The following THSD7A variants were observed in gnomAD, a reference collection of about 807,000 sequenced individuals.
The protein encoded by THSD7A is thrombospondin type-1 domain-containing protein 7A.
A neutral mutation model predicts 231.3 loss-of-function variants in THSD7A; 96 were observed. The ratio of observed to expected loss-of-function variants is 0.41; its 90% CI spans 0.35 to 0.49. The LOEUF (loss-of-function observed/expected upper bound fraction) is 0.49, where lower values mean the gene tolerates loss of function less well. Among genes scored for constraint, THSD7A ranks in the 20% least tolerant of loss-of-function variants. THSD7A has a pLI of 0.05. For synonymous variants in THSD7A, 940 were observed against 743.3 expected (o/e 1.26, Z -4.30); for missense variants, 2,290 against 2,070.2 (o/e 1.11, Z -2.06).
chr7:11,548,759 G>T (rs1488403095), intron 4 of THSD7A, among the ~76,000 whole-genome samples: 2 of 151,744 alleles, frequency 1.3e-5, no homozygotes, highest in African/African-American at 4.8e-5. Flanking sequence ...AAAATCACAT[G>T]ATTATCTCAA....
At chr7:11,603,900 G>T (rs1289260354) in intron 2 of THSD7A, among the ~76,000 whole-genome samples, 1 of 146,568 alleles carries the variant, frequency 6.8e-6, no homozygotes, top group African/African-American at 2.5e-5. Context: ...AGGGGGGAAG[G>T]ATAGCATTGG....
intron 1 of THSD7A, among the ~76,000 whole-genome samples, chr7:11,762,779 C>T (rs1782906237): frequency 1.3e-5 from 2 of 151,686 alleles, no homozygotes; most frequent in African/African-American, 4.9e-5. Flanking sequence ...CTACAAACTA[C>T]AAAATATTCA....
Position 11,590,385 on chromosome 7 carries a change from T to C in THSD7A, c.1453+75A>G, listed in dbSNP as rs377653101. On this transcript the variant is annotated intron_variant, in intron 4 of 27. Coordinates refer to ENST00000423059, the MANE Select transcript of THSD7A (RefSeq NM_015204.3). The surrounding 1 kb of genome is among the most constrained non-coding windows in gnomAD (Gnocchi z 4.4). ...AGCCCTCATAACCTGGATGGCTGTG[T>C]ATATATCCCTTCAGAGCAATCACAT... The C allele has an allele frequency of 1.3e-6, 2 of 1,493,036 alleles. No homozygotes were observed. Among genetic ancestry groups the C allele is most frequent in the African/African-American group, 2.8e-5 (2 of 71,852 alleles). 92.5% of individuals were successfully genotyped at this position (1,493,036 alleles called of 1,614,324 possible).
rs1374839922 is a variant in THSD7A at position 11,372,319 on chromosome 7, G to A, written c.*3475C>T. On this transcript the variant is annotated 3_prime_UTR_variant, in exon 28 of 28. Coordinates refer to ENST00000423059, the MANE Select transcript of THSD7A (RefSeq NM_015204.3). ...TTGGATGTCTGTCTTAAGTACCTAT[G>A]TATACAAAAGCCATTACTTTTTTTT... 1 of 143,454 alleles carries A rather than the reference G, an allele frequency of 7.0e-6. No homozygotes were observed. The highest frequency in any genetic ancestry group is 1.5e-5 in the Non-Finnish European group (1 of 66,238). The allele number at this position is 143,454 out of a possible 1,614,324, so 8.9% of individuals were successfully genotyped here.
At chr7:11,552,983 G>A (rs1318865560) in intron 4 of THSD7A, among the ~76,000 whole-genome samples, 1 of 152,042 alleles carries the variant, frequency 6.6e-6, no homozygotes, top group Non-Finnish European at 1.5e-5. Flanking sequence ...TCTCTAGAGA[G>A]GGAGATGTTT....
chr7:11,659,223 A>G (rs1033451295), intron 1 of THSD7A, among the ~76,000 whole-genome samples: 2 of 151,684 alleles, frequency 1.3e-5, no homozygotes, highest in Non-Finnish European at 3.0e-5. Context: ...GGAGCAAACT[A>G]TATTCACATC....
chr7:11,476,207 T>C (rs1712941190), intron 7 of THSD7A, among the ~76,000 whole-genome samples: 3 of 151,978 alleles, frequency 2.0e-5, no homozygotes, highest in South Asian at 4.2e-4. Flanking sequence ...AACATAACTT[T>C]AAAATATTTT....
At chr7:11,647,737 T>C (rs1782336408) in intron 1 of THSD7A, among the ~76,000 whole-genome samples, 1 of 152,124 alleles carries the variant, frequency 6.6e-6, no homozygotes, top group African/African-American at 2.4e-5. Context: ...TCAATTTTGC[T>C]AAGAATGAAT....
Position 11,411,831 on chromosome 7 carries a change from CTT to C in THSD7A, c.3683-511_3683-510del, listed in dbSNP as rs1238632055. 6.6e-6 allele frequency among the ~76,000 whole-genome samples: 1 copy of C among 151,836 alleles called. No individual in the cohort carries two copies. Among genetic ancestry groups the C allele is most frequent in the Non-Finnish European group, 1.5e-5 (1 of 67,978 alleles). On this transcript the variant is annotated intron_variant, in intron 18 of 27. Transcript: ENST00000423059. The surrounding 1 kb of genome is among the most constrained non-coding windows in gnomAD (Gnocchi z 4.1). ...CACTTTGGCCATATTTATTCATTCT[CTT>C]ATGTCTTTCGTAAGAAGACATAAAA... is the stretch of plus-strand genomic sequence containing the variant.
rs140890201 is a variant in THSD7A, at chr7:11,385,219, T to C, written c.4412-2603A>G. 2.7e-3 allele frequency: 411 copies of C among 152,184 alleles called. 2 individuals are homozygous for C. The highest frequency in any genetic ancestry group is 9.7e-3 in the African/African-American group (402 of 41,560). 9.4% of individuals were successfully genotyped at this position (152,184 alleles called of 1,614,324 possible). A position where few individuals can be genotyped will look rare whatever the true frequency, so the allele number is the denominator to read the frequency against. On this transcript the variant is annotated intron_variant, in intron 23 of 27. Coordinates refer to ENST00000423059, the MANE Select transcript of THSD7A (RefSeq NM_015204.3). ...AGTCGTCTATAAATTATCTTGATTG[T>C]CTAAAATGTGAAATTCATATACTAT...
At chr7:11,787,050 T>G (rs1333620709) in intron 1 of THSD7A, among the ~76,000 whole-genome samples, 5 of 152,030 alleles carry the variant, frequency 3.3e-5, no homozygotes, top group Non-Finnish European at 5.9e-5. Context: ...ATTTCTAGTT[T>G]CATAAAAAAA....
chr7:11,409,959 C>T (rs1562587742), intron 19 of THSD7A, among the ~76,000 whole-genome samples: 1 of 152,062 alleles, frequency 6.6e-6, no homozygotes, highest in Non-Finnish European at 1.5e-5. Flanking sequence ...TCAGGCTGGT[C>T]CTGAACCCCC....
chr7:11,626,867 C>T lies in THSD7A; in HGVS notation c.1022+9263G>A, dbSNP rs118045866. On this transcript the variant is annotated intron_variant, in intron 2 of 27. Transcript: ENST00000423059. ...GAAATAATATTCTCAATGTTGTATC[C>T]TAAATGGAATCAGTATAAATGTATA... Among the ~76,000 whole-genome samples the T allele has an allele frequency of 9.6e-3, 1,461 of 151,962 alleles. 13 individuals are homozygous for T. Among genetic ancestry groups the T allele is most frequent in the Non-Finnish European group, 0.016 (1,055 of 67,938 alleles).
chr7:11,823,567 T>G (rs1189948625), intron 1 of THSD7A, among the ~76,000 whole-genome samples: 1 of 152,142 alleles, frequency 6.6e-6, no homozygotes, highest in Non-Finnish European at 1.5e-5. Context: ...TGTAACAATA[T>G]TAATTCTTCT....
intron 1 of THSD7A, among the ~76,000 whole-genome samples, chr7:11,789,849 G>C (rs1489551728): frequency 1.3e-5 from 2 of 151,600 alleles, no homozygotes; most frequent in Non-Finnish European, 2.9e-5. Flanking sequence ...AACTCCTTTG[G>C]GTGCACTTCT....
chr7:11,767,077 A>C (rs1783053415), intron 1 of THSD7A, among the ~76,000 whole-genome samples: 1 of 152,150 alleles, frequency 6.6e-6, no homozygotes, highest in African/African-American at 2.4e-5. Flanking sequence ...GTGTGTGTAC[A>C]TGCATGTGCA....
chr7:11,593,224 C>T, intron 3 of THSD7A, 30 bp downstream of exon 3: 1 of 1,605,632 alleles, frequency 6.2e-7, no homozygotes, highest in South Asian at 1.1e-5. Context: ...GTAGTTTCGG[C>T]AGACGCTATA....
At chr7:11,585,328 C>A (rs920709896) in intron 4 of THSD7A, among the ~76,000 whole-genome samples, 1 of 152,144 alleles carries the variant, frequency 6.6e-6, no homozygotes, top group Non-Finnish European at 1.5e-5. Flanking sequence ...CTGTTCTCTC[C>A]CACAAGATAT....
intron 9 of THSD7A, among the ~76,000 whole-genome samples, chr7:11,467,917 A>C (rs1246506227): frequency 1.3e-5 from 2 of 151,900 alleles, no homozygotes; most frequent in African/African-American, 4.8e-5. Flanking sequence ...GAAATGAGAA[A>C]AATTCTGATT....
Sources: gnomAD v4.1 joint callset for allele counts (sites outside exome capture counted in the v4.1 genomes callset) on GRCh38, gnomAD v4.1.1 for gene constraint, Gnocchi (gnomAD v3.1) non-coding constraint, MANE v1.5 for transcripts, NCBI Gene and HGNC (gene_info 2026-07-23, HGNC 2026-07-21) for gene names.